Variants in VIRMA observed in about 807,000 individuals in gnomAD.
VIRMA encodes protein virilizer homolog.
VIRMA carries 65 observed loss-of-function variants against 182.4 expected under a neutral mutation model. The ratio of observed to expected loss-of-function variants is 0.36; its 90% CI spans 0.29 to 0.44. The LOEUF (loss-of-function observed/expected upper bound fraction) is 0.44. VIRMA is among the 20% of genes least tolerant of loss of function. The pLI is 1.00. For missense variants in VIRMA, 1,752 were observed against 2,158.1 expected (o/e 0.81, Z 3.73); for synonymous variants, 709 against 743.1 (o/e 0.95, Z 0.75).
At chr8:94,522,708 AC>A (rs1005205745) in intron 8 of VIRMA, among the ~76,000 whole-genome samples, 1 of 152,186 alleles carries the variant, frequency 6.6e-6, no homozygotes, top group African/African-American at 2.4e-5. Flanking sequence ...CACTATAAGC[AC>A]AATATTTGCC....
chr8:94,538,350 T>C lies in VIRMA; in HGVS notation c.180-4A>G, dbSNP rs201480927. ...AAATGTATGGGGAGATGTCTCTCTG[T>C]AAATGAAACAAAGTTGAAACATCAG... On this transcript the variant is annotated splice_region_variant and splice_polypyrimidine_tract_variant and intron_variant, in intron 2 of 23. Coordinates refer to ENST00000297591, the MANE Select transcript of VIRMA (RefSeq NM_015496.5). The C allele has an allele frequency of 1.0e-5, 16 of 1,581,700 alleles. No homozygotes were observed. The Admixed American group carries it at 2.7e-4, about 27-fold the overall frequency.
chr8:94,530,924 A>C, intron 6 of VIRMA, 39 bp downstream of exon 6: 2 of 1,585,110 alleles, frequency 1.3e-6, no homozygotes, highest in Non-Finnish European at 1.7e-6. Context: ...ATGTACTATT[A>C]ACTAGGGGGG....
rs2130307269 is a variant in VIRMA, at chr8:94,511,315, G to A, written c.3260C>T (p.Ala1087Val). The A allele has an allele frequency of 1.2e-6, 2 of 1,613,696 alleles. No individual in the cohort carries two copies. Among genetic ancestry groups the A allele is most frequent in the Non-Finnish European group, 1.7e-6 (2 of 1,179,856 alleles). Residue 1087 changes from alanine to valine, a missense_variant, in exon 13 of 24, where the codon GCC becomes GTC. Physicochemically the swap from Ala to Val is moderately conservative, Grantham distance 64 (BLOSUM62 0). Transcript: ENST00000297591. The part of the protein sequence containing the change: ...EKLTISEETL[A>V]NNTWSLMLKE... The stretch of plus-strand genomic sequence containing the variant: ...TAACATTAAAGACCAAGTATTATTG[G>A]CCAGAGTCTCTTCTGAGATTGTGAG...
At chr8:94,544,801 T>C (rs557946651) in intron 1 of VIRMA, among the ~76,000 whole-genome samples, 1 of 152,116 alleles carries the variant, frequency 6.6e-6, no homozygotes, top group African/African-American at 2.4e-5. Context: ...AGTTTCTGAA[T>C]TATAGATAAG....
At chr8:94,546,800 C>T (rs976192239) in intron 1 of VIRMA, 1 of 395,350 alleles carries the variant, frequency 2.5e-6, no homozygotes, top group East Asian at 7.2e-5. Flanking sequence ...CTCCCATCAA[C>T]ACATTCTCCT....
At chr8:94,512,608 C>A (rs1240830340) in intron 11 of VIRMA, among the ~76,000 whole-genome samples, 1 of 152,006 alleles carries the variant, frequency 6.6e-6, no homozygotes, top group East Asian at 1.9e-4. Context: ...GAGACCCTGC[C>A]TCTACAAAAT....
intron 13 of VIRMA, 79 bp downstream of exon 13, chr8:94,511,106 G>T: frequency 1.3e-6 from 2 of 1,529,230 alleles, no homozygotes; most frequent in African/African-American, 1.4e-5. Context: ...GAGGGTTTTT[G>T]TTTTTTAACA....
chr8:94,501,270 A>AC (rs1813978346), intron 16 of VIRMA, among the ~76,000 whole-genome samples: 1 of 147,416 alleles, frequency 6.8e-6, no homozygotes, highest in Non-Finnish European at 1.5e-5. Context: ...AAAAAAAAAA[A>AC]AAAAAAACAA....
rs1563467768 is a variant in VIRMA at position 94,517,773 on chromosome 8, CTT to C, written c.2668+13_2668+14del. The C allele has an allele frequency of 6.4e-7, 1 of 1,556,986 alleles. No homozygotes were observed. The stretch of plus-strand genomic sequence containing the variant: ...CACATATTACAAATGCTTAAAATAA[CTT>C]TAAGTACCATACCTTGCAATTTAGC... On this transcript the variant is annotated intron_variant, in intron 10 of 23. Transcript: ENST00000297591.
At position 94,534,898 on chromosome 8, in the gene VIRMA, G is replaced by A. The variant is rs1286168408; in HGVS notation, c.425C>T (p.Pro142Leu). The A allele has an allele frequency of 6.8e-6, 11 of 1,613,392 alleles. No individual in the cohort carries two copies. Among genetic ancestry groups the A allele is most frequent in the South Asian group, 1.1e-5 (1 of 91,038 alleles). Residue 142 changes from proline (P) to leucine (L), a missense_variant, in exon 5 of 24, where the codon CCA (proline) becomes CTA (leucine). Around this residue, in one of 11 missense-constraint regions of VIRMA, gnomAD observed 195 missense variants for 191.7 expected, o/e 1.02. Coordinates refer to ENST00000297591, the MANE Select transcript of VIRMA (RefSeq NM_015496.5). ...ISHDRDSPPP[P>L]PPPPPPPQPQ... ...CTGGGGAGGTGGTGGCGGTGGAGGT[G>A]GTGGTGGTGGAGAGTCTCTGTCATG... is the stretch of plus-strand genomic sequence containing the variant.
chr8:94,512,759 A>G (rs1814422747), intron 11 of VIRMA, among the ~76,000 whole-genome samples: 1 of 152,214 alleles, frequency 6.6e-6, no homozygotes, highest in Non-Finnish European at 1.5e-5. Flanking sequence ...CCTGGGTGAC[A>G]CAGTGAAACC....
intron 15 of VIRMA, among the ~76,000 whole-genome samples, chr8:94,508,401 T>C (rs1334185711): frequency 6.6e-6 from 1 of 152,140 alleles, no homozygotes; most frequent in African/African-American, 2.4e-5. Context: ...AACTAAATTT[T>C]ACAAGAGCAT....
At chr8:94,553,108 G>A (rs1435042173) in intron 1 of VIRMA, among the ~76,000 whole-genome samples, 4 of 151,854 alleles carry the variant, frequency 2.6e-5, no homozygotes, top group African/African-American at 7.3e-5. Flanking sequence ...CCTTCTCAAG[G>A]CCCAAACCTG....
At chr8:94,541,388 C>T (rs1815549374) in intron 2 of VIRMA, among the ~76,000 whole-genome samples, 1 of 152,066 alleles carries the variant, frequency 6.6e-6, no homozygotes, top group Admixed American at 6.6e-5. Context: ...GCCTGAGCCA[C>T]CACACCCTAC....
chr8:94,495,043 C>T, intron 19 of VIRMA, 87 bp from the exon 20 acceptor site: 2 of 878,036 alleles, frequency 2.3e-6, no homozygotes, highest in East Asian at 2.5e-5. Context: ...TTGCTGTTAC[C>T]CAGCTGGAGC....
At chr8:94,514,023 C>A (rs1273467961) in intron 11 of VIRMA, among the ~76,000 whole-genome samples, 1 of 152,184 alleles carries the variant, frequency 6.6e-6, no homozygotes, top group Non-Finnish European at 1.5e-5. Context: ...AAACAATATA[C>A]AAAAATTATT....
At chr8:94,536,990 A>G in intron 4 of VIRMA, 113 bp downstream of exon 4, 2 of 793,578 alleles carry the variant, frequency 2.5e-6, no homozygotes, top group Admixed American at 4.4e-5. Flanking sequence ...AAAAACACAA[A>G]GAAAAAAAAA....
intron 22 of VIRMA, 196 bp from the exon 23 acceptor site, chr8:94,490,278 G>C (rs1475885902): frequency 1.8e-6 from 1 of 549,840 alleles, no homozygotes; most frequent in Non-Finnish European, 3.1e-6. Flanking sequence ...ATCAAATACT[G>C]GTTCTACCAC....
In VIRMA at chr8:94,488,555, T is replaced by C. The variant is rs948406335; in HGVS notation, c.*151A>G. ...GTTTGGATTTTTATTGAAATCTTGT[T>C]AGGTATCAAACAAATTCTGCTTTCT... On this transcript the variant is annotated 3_prime_UTR_variant, in exon 24 of 24. Coordinates refer to ENST00000297591, the MANE Select transcript of VIRMA (RefSeq NM_015496.5). 2 of 632,010 alleles carry C rather than the reference T, an allele frequency of 3.2e-6. No individual in the cohort carries two copies. Among genetic ancestry groups the C allele is most frequent in the African/African-American group, 3.6e-5 (2 of 55,034 alleles). The allele number at this position is 632,010 out of a possible 1,614,324, so 39.2% of individuals were successfully genotyped here. A position where few individuals can be genotyped will look rare whatever the true frequency, so the allele number is the denominator to read the frequency against.
Sources: allele counts gnomAD v4.1 joint callset (sites outside exome capture counted in the v4.1 genomes callset), GRCh38; gene constraint gnomAD v4.1.1; regional missense constraint gnomAD v4.1.1; transcripts MANE v1.5; gene names NCBI Gene and HGNC (gene_info 2026-07-23, HGNC 2026-07-21).